PCSK5: variants seen among roughly 807,000 people sequenced by gnomAD.
PCSK5 encodes the protein proprotein convertase subtilisin/kexin type 5, also known as prohormone convertase 5.
A neutral mutation model predicts 233.2 loss-of-function variants in PCSK5; 129 were observed. The ratio of observed to expected loss-of-function variants is 0.55; its 90% CI spans 0.48 to 0.64. The LOEUF (loss-of-function observed/expected upper bound fraction) is 0.64, where lower values mean the gene tolerates loss of function less well. PCSK5 is among the 30% of genes least tolerant of loss of function. The pLI is 0.00. For missense variants in PCSK5, 2,076 were observed against 2,430.1 expected, an observed-to-expected ratio of 0.85 and a Z score of 3.06; for synonymous variants, 825 against 879.2, an observed-to-expected ratio of 0.94 and a Z score of 1.09.
intron 1 of PCSK5, among the ~76,000 whole-genome samples, chr9:75,917,984 T>C (rs1030583649): frequency 6.6e-6 from 1 of 152,188 alleles, no homozygotes; most frequent in African/African-American, 2.4e-5. Flanking sequence ...CACCTGGGAA[T>C]TTTTAGTTCT....
At chr9:76,287,836 C>A in intron 24 of PCSK5, 1 of 213,790 alleles carries the variant, frequency 4.7e-6, no homozygotes. Flanking sequence ...AGAGGCAGGT[C>A]TGACAGACAT....
chr9:75,974,000 G>A (rs912669465), intron 2 of PCSK5, among the ~76,000 whole-genome samples: 1 of 152,224 alleles, frequency 6.6e-6, no homozygotes, highest in Non-Finnish European at 1.5e-5. Flanking sequence ...GAAGCTTGGT[G>A]GGGGAGATTC....
intron 2 of PCSK5, among the ~76,000 whole-genome samples, chr9:75,966,161 T>A (rs1368838976): frequency 6.6e-6 from 1 of 152,118 alleles, no homozygotes; most frequent in African/African-American, 2.4e-5. Flanking sequence ...ACACTTTGGG[T>A]ACGTACTAAC....
In PCSK5 at chr9:76,298,467, T is replaced by G. The variant is rs185687250; in HGVS notation, c.3523+1602T>G. On this transcript the variant is annotated intron_variant, in intron 27 of 37. Coordinates refer to ENST00000674117, the MANE Select transcript of PCSK5 (RefSeq NM_001372043.1). Reference sequence around the variant, plus strand: ...TTTCCCATTCCCATGACCTATGAAATAAGACATGCAGACCATTAACACAGA... The same window carrying G: ...TTTCCCATTCCCATGACCTATGAAAGAAGACATGCAGACCATTAACACAGA... Among the ~76,000 whole-genome samples, 5 of 152,200 alleles carry G rather than the reference T, an allele frequency of 3.3e-5. No homozygotes were observed. The East Asian group carries it at 9.7e-4, about 29-fold the overall frequency.
At position 75,905,089 on chromosome 9, in the gene PCSK5, C is replaced by T. The variant is rs1027721043; in HGVS notation, c.192+13716C>T. Among the ~76,000 whole-genome samples, 5 of 152,118 alleles carry T rather than the reference C, an allele frequency of 3.3e-5. No individual in the cohort carries two copies. The East Asian group carries it at 9.7e-4, about 29-fold the overall frequency. ...TATCATTCTGTTTATATAAAATGTC[C>T]GGATTTAGCAAATCTATAGAGACAG... On this transcript the variant is annotated intron_variant, in intron 1 of 37. Coordinates refer to ENST00000674117, the MANE Select transcript of PCSK5 (RefSeq NM_001372043.1).
chr9:76,169,194 T>C (rs1308049411), intron 12 of PCSK5, among the ~76,000 whole-genome samples: 1 of 152,212 alleles, frequency 6.6e-6, no homozygotes, highest in Non-Finnish European at 1.5e-5. Flanking sequence ...GTTTACAGTT[T>C]TGGGGAATTA....
intron 2 of PCSK5, among the ~76,000 whole-genome samples, chr9:75,972,559 C>G (rs1003511363): frequency 6.6e-6 from 1 of 152,148 alleles, no homozygotes; most frequent in Non-Finnish European, 1.5e-5. Flanking sequence ...TTTTCTTGAG[C>G]AGTGGTTTGT....
intron 1 of PCSK5, among the ~76,000 whole-genome samples, chr9:75,929,680 G>A (rs1164751553): frequency 6.6e-6 from 1 of 152,014 alleles, no homozygotes; most frequent in African/African-American, 2.4e-5. Flanking sequence ...TGCCGATAAA[G>A]ACATACCCAA....
rs146209105 is a variant in PCSK5 at position 76,154,398 on chromosome 9, T to G, written c.1313-2647T>G. 9.2e-3 allele frequency among the ~76,000 whole-genome samples: 1,407 copies of G among 152,304 alleles called. 17 individuals carry two copies. The highest frequency in any genetic ancestry group is 0.031 in the African/African-American group (1,306 of 41,562). ...GTTTGCTGTATCTGATTGTTCATGT[T>G]AATTTATGTCCTCATGGTTGTTAGG... On this transcript the variant is annotated intron_variant, in intron 10 of 37. Coordinates refer to ENST00000674117, the MANE Select transcript of PCSK5 (RefSeq NM_001372043.1).
intron 25 of PCSK5, among the ~76,000 whole-genome samples, chr9:76,294,150 T>C (rs1203961697): frequency 6.8e-6 from 1 of 147,804 alleles, no homozygotes; most frequent in African/African-American, 2.5e-5. Context: ...TGAGCCAAGA[T>C]CATGCCATTG....
intron 5 of PCSK5, among the ~76,000 whole-genome samples, chr9:76,029,752 C>T (rs1029188317): frequency 1.2e-4 from 19 of 152,166 alleles, no homozygotes; most frequent in African/African-American, 4.6e-4. Flanking sequence ...AAGTGACAGT[C>T]TTCACTTAGC....
At chr9:76,281,146 G>A (rs1827850216) in intron 24 of PCSK5, among the ~76,000 whole-genome samples, 1 of 152,240 alleles carries the variant, frequency 6.6e-6, no homozygotes, top group South Asian at 2.1e-4. Context: ...AAATGGTTCA[G>A]CTAAGATCAT....
chr9:75,902,212 T>C (rs1429956759), intron 1 of PCSK5, among the ~76,000 whole-genome samples: 2 of 30,856 alleles, frequency 6.5e-5, no homozygotes, highest in African/African-American at 1.7e-4. Context: ...TGAGACACCA[T>C]CTAAAAAAAA....
At chr9:76,016,468 G>T (rs1827953406) in intron 3 of PCSK5, among the ~76,000 whole-genome samples, 1 of 152,194 alleles carries the variant, frequency 6.6e-6, no homozygotes, top group Admixed American at 6.5e-5. Flanking sequence ...TTGAACTGAG[G>T]TACTTGAGAT....
chr9:75,992,001 C>T (rs1826787233), intron 3 of PCSK5, among the ~76,000 whole-genome samples: 1 of 151,878 alleles, frequency 6.6e-6, no homozygotes, highest in African/African-American at 2.4e-5. Flanking sequence ...GAGGCTGAGG[C>T]AGGAGGATCA....
intron 20 of PCSK5, among the ~76,000 whole-genome samples, chr9:76,217,864 G>A (rs2131296103): frequency 6.6e-6 from 1 of 152,260 alleles, no homozygotes; most frequent in South Asian, 2.1e-4. Context: ...TCTGACACCT[G>A]GATTTGGAAG....
chr9:76,139,753 C>A (rs1225619051), intron 10 of PCSK5, among the ~76,000 whole-genome samples: 1 of 151,354 alleles, frequency 6.6e-6, no homozygotes, highest in Non-Finnish European at 1.5e-5. Flanking sequence ...TGTAGATGAG[C>A]TTATCTTCTA....
chr9:76,033,376 C>G (rs577847149), intron 5 of PCSK5, among the ~76,000 whole-genome samples: 8 of 152,082 alleles, frequency 5.3e-5, no homozygotes, highest in African/African-American at 1.9e-4. Flanking sequence ...CAAAACTTAA[C>G]GAAGAAAATG....
At chr9:76,132,451 T>C (rs1822798153) in intron 9 of PCSK5, among the ~76,000 whole-genome samples, 1 of 152,092 alleles carries the variant, frequency 6.6e-6, no homozygotes, top group Admixed American at 6.6e-5. Context: ...CAAGTTCTTT[T>C]GTTGATATAA....
Sources: allele counts gnomAD v4.1 joint callset (sites outside exome capture counted in the v4.1 genomes callset), GRCh38; gene constraint gnomAD v4.1.1; transcripts MANE v1.5; gene names NCBI Gene and HGNC (gene_info 2026-07-23, HGNC 2026-07-21).